The following SENP1 variants were observed in gnomAD, a reference collection of about 807,000 sequenced individuals.
SENP1 encodes SUMO specific peptidase 1.
SENP1 carries 21 observed loss-of-function variants against 93.0 expected under a neutral mutation model. The ratio of observed to expected loss-of-function variants is 0.23; its 90% CI spans 0.16 to 0.33. The LOEUF (loss-of-function observed/expected upper bound fraction) is 0.33, where lower values mean the gene tolerates loss of function less well. Among genes scored for constraint, SENP1 ranks in the 10% least tolerant of loss-of-function variants. The pLI, the probability that SENP1 is intolerant of heterozygous loss-of-function variation, is 1.00. For missense variants in SENP1, 591 were observed against 758.7 expected, an observed-to-expected ratio of 0.78 and a Z score of 2.60; for synonymous variants, 256 against 259.6, an observed-to-expected ratio of 0.99 and a Z score of 0.13.
At position 48,091,628 on chromosome 12, in the gene SENP1, C is replaced by G. The variant is rs73301183; in HGVS notation, c.221-2668G>C. Among the ~76,000 whole-genome samples the G allele has an allele frequency of 7.2e-3, 1,091 of 152,220 alleles. 19 individuals carry two copies. Among genetic ancestry groups the G allele is most frequent in the African/African-American group, 0.025 (1,038 of 41,538 alleles). On this transcript the variant is annotated intron_variant, in intron 4 of 17. Transcript: ENST00000549518. The stretch of plus-strand genomic sequence containing the variant: ...CAAAGAGAAGACATTGATAATGATT[C>G]TAAGCACAAGCAAAATCACTTCTTT...
At chr12:48,056,063 TATACAGTATATATTATATATTTACC>T (rs1942260571) in intron 13 of SENP1, among the ~76,000 whole-genome samples, 1 of 125,528 alleles carries the variant, frequency 8.0e-6, no homozygotes, top group Non-Finnish European at 1.5e-5. Context: ...GTATACTTAA[TATACAGTATATATTATATATTTACC>T]ATACAGTATA....
chr12:48,105,699 G>C (rs1478822033), intron 1 of SENP1: 1 of 469,112 alleles, frequency 2.1e-6, no homozygotes, highest in African/African-American at 2.0e-5. Context: ...CCCCGGAATC[G>C]CAACCGGCCT....
intron 10 of SENP1, among the ~76,000 whole-genome samples, chr12:48,065,948 C>A (rs188555608): frequency 6.6e-6 from 1 of 152,136 alleles, no homozygotes; most frequent in African/African-American, 2.4e-5. Context: ...AGCGACCCCC[C>A]TACCTTGGCC....
chr12:48,057,046 T>C (rs184152340), intron 13 of SENP1, among the ~76,000 whole-genome samples: 45 of 46,444 alleles, frequency 9.7e-4, no homozygotes, highest in East Asian at 3.4e-3. Context: ...TAATATATTA[T>C]ATATTACATA....
intron 1 of SENP1, among the ~76,000 whole-genome samples, chr12:48,104,584 CTACGTG>C (rs1427523586): frequency 6.6e-6 from 1 of 152,192 alleles, no homozygotes; most frequent in Non-Finnish European, 1.5e-5. Context: ...TGTGCACCGA[CTACGTG>C]CATTAAGAAA....
chr12:48,077,062 G>T (rs769793240), intron 6 of SENP1, among the ~76,000 whole-genome samples: 4 of 152,202 alleles, frequency 2.6e-5, no homozygotes, highest in Non-Finnish European at 4.4e-5. Flanking sequence ...ACTTATAAGT[G>T]AGAACATGCA....
At chr12:48,092,030 A>G (rs1476414857) in intron 4 of SENP1, among the ~76,000 whole-genome samples, 1 of 152,168 alleles carries the variant, frequency 6.6e-6, no homozygotes, top group Non-Finnish European at 1.5e-5. Context: ...AAAAAAATCA[A>G]TGTTTTAAAT....
At chr12:48,062,285 C>G (rs939374463) in intron 13 of SENP1, among the ~76,000 whole-genome samples, 1 of 152,220 alleles carries the variant, frequency 6.6e-6, no homozygotes, top group Non-Finnish European at 1.5e-5. Flanking sequence ...TCAAAAATAA[C>G]TTATCAGTGG....
At chr12:48,090,136 T>C (rs773399242) in intron 4 of SENP1, among the ~76,000 whole-genome samples, 9 of 152,252 alleles carry the variant, frequency 5.9e-5, no homozygotes. Context: ...ATTGTAACTT[T>C]GTTCCTTTGT....
chr12:48,101,160 C>T (rs1238253664), intron 2 of SENP1, among the ~76,000 whole-genome samples: 1 of 152,054 alleles, frequency 6.6e-6, no homozygotes, highest in Non-Finnish European at 1.5e-5. Flanking sequence ...GTGGCACATG[C>T]CTGTAATCCC....
chr12:48,098,204 T>A, intron 2 of SENP1, 80 bp from the exon 3 acceptor site: 1 of 1,400,576 alleles, frequency 7.1e-7, no homozygotes, highest in Non-Finnish European at 9.7e-7. Context: ...TTTCACCTAA[T>A]AAAAACAATT....
At chr12:48,085,244 T>C (rs1944775853) in intron 5 of SENP1, 16 of 1,551,576 alleles carry the variant, frequency 1.0e-5, no homozygotes, top group Non-Finnish European at 1.4e-5. Flanking sequence ...GGGATGACAC[T>C]GGCATCATCC....
intron 1 of SENP1, among the ~76,000 whole-genome samples, chr12:48,101,981 T>C (rs761770945): frequency 6.6e-6 from 1 of 152,218 alleles, no homozygotes; most frequent in Non-Finnish European, 1.5e-5. Context: ...CCTGATACTC[T>C]AATGACAATC....
intron 10 of SENP1, among the ~76,000 whole-genome samples, chr12:48,066,380 A>G (rs1943295068): frequency 1.3e-5 from 2 of 152,188 alleles, no homozygotes; most frequent in Non-Finnish European, 2.9e-5. Flanking sequence ...CCTATTATAT[A>G]ATAGCTAACT....
rs530295002 is a variant in SENP1 at position 48,047,238 on chromosome 12, A to C, written c.1692-176T>G. Among the ~76,000 whole-genome samples the C allele has an allele frequency of 2.6e-5, 4 of 152,268 alleles. No individual in the cohort carries two copies. The East Asian group carries it at 7.7e-4, about 29-fold the overall frequency. On this transcript the variant is annotated intron_variant, in intron 15 of 17. Transcript: ENST00000549518. ...GATTGTTAAGTTTTCTCCAGAGCTGAGCATGCCTCTTCTAGCTTGTCTCTT... is the reference window on the plus strand; with the variant it reads ...GATTGTTAAGTTTTCTCCAGAGCTGCGCATGCCTCTTCTAGCTTGTCTCTT...
chr12:48,049,493 G>C lies in SENP1; in HGVS notation c.1408-361C>G, dbSNP rs553885047. ...GAAGGCATGCAAGCAGTTTAATAATGCACATTAGCAGTTACCTTTATCTAC... is the reference window on the plus strand; with the variant it reads ...GAAGGCATGCAAGCAGTTTAATAATCCACATTAGCAGTTACCTTTATCTAC... On this transcript the variant is annotated intron_variant, in intron 13 of 17. Transcript: ENST00000549518. Among the ~76,000 whole-genome samples the C allele has an allele frequency of 2.6e-5, 4 of 152,292 alleles. No individual in the cohort carries two copies. The South Asian group carries it at 8.3e-4, about 32-fold the overall frequency.
chr12:48,105,543 G>A, intron 1 of SENP1: 1 of 508,442 alleles, frequency 2.0e-6, no homozygotes, highest in Non-Finnish European at 3.9e-6. Flanking sequence ...AGGAGAGTTG[G>A]AGAAATGTTT....
intron 8 of SENP1, among the ~76,000 whole-genome samples, chr12:48,072,216 C>T (rs1330828991): frequency 6.6e-6 from 1 of 152,204 alleles, no homozygotes; most frequent in Non-Finnish European, 1.5e-5. Context: ...AGCTCTATTT[C>T]AGGCATGAAA....
At chr12:48,083,204 C>G (rs533231030) in intron 6 of SENP1, among the ~76,000 whole-genome samples, 12 of 152,274 alleles carry the variant, frequency 7.9e-5, no homozygotes, top group South Asian at 6.2e-4. Flanking sequence ...GTCACGTGGA[C>G]TGAAATAAAA....
Sources: allele counts gnomAD v4.1 joint callset (sites outside exome capture counted in the v4.1 genomes callset), GRCh38; gene constraint gnomAD v4.1.1; transcripts MANE v1.5; gene names NCBI Gene and HGNC (gene_info 2026-07-23, HGNC 2026-07-21).